PVALB: variants seen among roughly 807,000 people sequenced by gnomAD.
PVALB encodes the protein parvalbumin alpha.
PVALB carries 11 observed loss-of-function variants against 10.9 expected under a neutral mutation model. That is an observed-to-expected ratio of 1.01 (90% CI 0.63 to 1.67). The LOEUF (loss-of-function observed/expected upper bound fraction) is 1.67. Ranked by LOEUF, PVALB falls within the 40% of genes most tolerant of loss-of-function variation. The pLI is 0.00. For synonymous variants in PVALB, 57 were observed against 50.7 expected (o/e 1.12, Z -0.53); for missense variants, 131 against 136.2 (o/e 0.96, Z 0.19).
intron 3 of PVALB, among the ~76,000 whole-genome samples, chr22:36,801,598 G>A (rs1053935095): frequency 2.0e-5 from 3 of 152,214 alleles, no homozygotes; most frequent in Non-Finnish European, 2.9e-5. Flanking sequence ...TCAGGAGTTT[G>A]AGACCAGCCT....
At chr22:36,809,471 G>T (rs944062348) in intron 3 of PVALB, among the ~76,000 whole-genome samples, 2 of 152,054 alleles carry the variant, frequency 1.3e-5, no homozygotes, top group African/African-American at 2.4e-5. Flanking sequence ...AATGAATGAA[G>T]CAGGCAGCAC....
chr22:36,806,275 T>C (rs4820253), intron 3 of PVALB, among the ~76,000 whole-genome samples: 30,023 of 151,944 alleles, frequency 0.2, 3,419 homozygotes, highest in African/African-American at 0.31. Flanking sequence ...GATGTCATCA[T>C]TGTCCAACCA....
intron 3 of PVALB, among the ~76,000 whole-genome samples, chr22:36,802,193 C>T (rs1938875820): frequency 6.6e-6 from 1 of 152,078 alleles, no homozygotes; most frequent in Non-Finnish European, 1.5e-5. Context: ...GAAGGGTGTA[C>T]AGGACTCTCT....
chr22:36,806,087 A>G (rs1221681311), intron 3 of PVALB, among the ~76,000 whole-genome samples: 2 of 152,034 alleles, frequency 1.3e-5, no homozygotes, highest in African/African-American at 2.4e-5. Flanking sequence ...AGGAGTGCCC[A>G]GCACAGTGCC....
At chr22:36,816,022 G>A (rs1199000120) in intron 1 of PVALB, among the ~76,000 whole-genome samples, 4 of 149,952 alleles carry the variant, frequency 2.7e-5, no homozygotes, top group Non-Finnish European at 5.9e-5. Context: ...CCTGGGGAAG[G>A]GTACAATGTT....
rs1299843869 is a variant in PVALB, at chr22:36,803,707, G to GGATA, written c.305-2790_305-2789insTATC. Among the ~76,000 whole-genome samples, 66 of 149,480 alleles carry GGATA rather than the reference G, an allele frequency of 4.4e-4. 1 individual carries two copies. Among genetic ancestry groups the GGATA allele is most frequent in the Non-Finnish European group, 4.9e-4 (33 of 67,230 alleles). On this transcript the variant is annotated intron_variant, in intron 3 of 3. Coordinates refer to ENST00000417718, the MANE Select transcript of PVALB (RefSeq NM_001315532.2). ...TGGATGGATGGATGGATGGATGGAT[G>GGATA]GATGGGTGGGTGGTTGGGTGGGTGG...
rs779969972 is a variant in PVALB, at chr22:36,813,665, G to T, written c.285C>A (p.Asp95Glu). 1.2e-6 allele frequency: 2 copies of T among 1,613,866 alleles called. No homozygotes were observed. The highest frequency in any genetic ancestry group is 1.7e-6 in the Non-Finnish European group (2 of 1,179,854). The change falls in exon 3 of 4, where the codon GAC becomes GAA. Residue 95 changes from aspartate (D) to glutamate (E), a missense_variant. Asp to Glu is a conservative substitution (Grantham distance 45). Coordinates refer to ENST00000417718, the MANE Select transcript of PVALB (RefSeq NM_001315532.2). ...ACCCACCGTCAACCCCAATTTTGCC[G>T]TCCCCATCTTTGTCTCCAGCAGCCA... ...MLMAAGDKDG[D>E]GKIGVDEFST...
At chr22:36,808,991 G>A (rs1939005854) in intron 3 of PVALB, among the ~76,000 whole-genome samples, 1 of 152,130 alleles carries the variant, frequency 6.6e-6, no homozygotes, top group Admixed American at 6.5e-5. Context: ...CCCAGAGACG[G>A]GAATGCAAAG....
intron 2 of PVALB, among the ~76,000 whole-genome samples, chr22:36,814,733 C>T (rs1209267418): frequency 1.3e-5 from 2 of 152,120 alleles, no homozygotes; most frequent in Admixed American, 6.6e-5. Context: ...GTCTTTTAGA[C>T]AAATGAAAAT....
intron 3 of PVALB, among the ~76,000 whole-genome samples, chr22:36,812,657 A>AT (rs11370531): frequency 0.53 from 81,030 of 151,988 alleles, 24,377 homozygotes; most frequent in African/African-American, 0.83. Flanking sequence ...TAGGGCTGGG[A>AT]TTTGAACCCA....
chr22:36,817,799 G>A (rs187964988), upstream of PVALB, among the ~76,000 whole-genome samples: 2 of 152,188 alleles, frequency 1.3e-5, no homozygotes, highest in Non-Finnish European at 1.5e-5. Context: ...GGTCTCCTGG[G>A]TCCTGGCATC....
chr22:36,812,523 A>G (rs899018001), intron 3 of PVALB, among the ~76,000 whole-genome samples: 3 of 152,246 alleles, frequency 2.0e-5, no homozygotes, highest in African/African-American at 7.2e-5. Context: ...GGCACTTTAC[A>G]TATTAACACA....
Position 36,810,344 on chromosome 22 carries a change from G to A in PVALB, c.304+3302C>T, listed in dbSNP as rs187180687. On this transcript the variant is annotated intron_variant, in intron 3 of 3. Transcript: ENST00000417718. ...CAAAGCAGAGTATCTGAAACAGAAC[G>A]TCCTGGGCCCCAAAAAGGCTCTGCT... is the stretch of plus-strand genomic sequence containing the variant. Among the ~76,000 whole-genome samples, 23 of 152,276 alleles carry A rather than the reference G, an allele frequency of 1.5e-4. No individual in the cohort carries two copies. The East Asian group carries it at 3.7e-3, about 24-fold the overall frequency.
intron 3 of PVALB, among the ~76,000 whole-genome samples, chr22:36,802,439 A>G (rs539377332): frequency 6.6e-6 from 1 of 151,864 alleles, no homozygotes; most frequent in East Asian, 1.9e-4. Context: ...TGTCTCTACT[A>G]AAAATACAAA....
At chr22:36,815,535 C>T (rs1292317045) in intron 1 of PVALB, 1 of 375,096 alleles carries the variant, frequency 2.7e-6, no homozygotes, top group East Asian at 5.3e-5. Flanking sequence ...CACCTAAGAA[C>T]CAAAGGCTTT....
chr22:36,810,706 A>C (rs1939032534), intron 3 of PVALB, among the ~76,000 whole-genome samples: 1 of 152,222 alleles, frequency 6.6e-6, no homozygotes, highest in African/African-American at 2.4e-5. Flanking sequence ...CAAACCCAGC[A>C]CTAGGCTGGA....
At chr22:36,815,312 G>C in intron 1 of PVALB, 77 bp from the exon 2 acceptor site, 1 of 1,567,668 alleles carries the variant, frequency 6.4e-7, no homozygotes, top group South Asian at 1.1e-5. Context: ...GGGCATCAAG[G>C]CATTTGTTGA....
Position 36,800,847 on chromosome 22 carries a change from G to A in PVALB, c.*43C>T. 7 of 1,573,648 alleles carry A rather than the reference G, an allele frequency of 4.4e-6. No homozygotes were observed. The highest frequency in any genetic ancestry group is 5.2e-6 in the Non-Finnish European group (6 of 1,143,182). On this transcript the variant is annotated 3_prime_UTR_variant, in exon 4 of 4. Coordinates refer to ENST00000417718, the MANE Select transcript of PVALB (RefSeq NM_001315532.2). Reference sequence around the variant, plus strand: ...GTGGCGAGAGGGGCCGAGATTGGGTGTTCAGGGCAGAGAGGTGGAAGACCA... The same window carrying A: ...GTGGCGAGAGGGGCCGAGATTGGGTATTCAGGGCAGAGAGGTGGAAGACCA...
intron 2 of PVALB, among the ~76,000 whole-genome samples, chr22:36,814,088 T>C (rs1468598615): frequency 1.3e-5 from 2 of 152,098 alleles, no homozygotes. Flanking sequence ...ACAGTGGTGA[T>C]CTTCGGAAGG....
Sources: allele counts gnomAD v4.1 joint callset (sites outside exome capture counted in the v4.1 genomes callset), GRCh38; gene constraint gnomAD v4.1.1; transcripts MANE v1.5; gene names NCBI Gene and HGNC (gene_info 2026-07-23, HGNC 2026-07-21).